Variants in RETREG3 observed in about 807,000 individuals in gnomAD.
RETREG3 encodes the protein reticulophagy regulator 3.
In RETREG3, 23 loss-of-function variants were observed where a neutral mutation model predicts 50.2. The observed-to-expected ratio is 0.46, with a 90% CI of 0.33 to 0.65. The LOEUF is 0.65. RETREG3 is among the 30% of genes least tolerant of loss of function. The probability of loss-of-function intolerance (pLI) is 0.02; values close to 1 mark genes in which losing one functional copy is unlikely to be tolerated. For missense variants in RETREG3, 546 were observed against 598.0 expected, an observed-to-expected ratio of 0.91 and a Z score of 0.91; for synonymous variants, 240 against 234.4, an observed-to-expected ratio of 1.02 and a Z score of -0.22.
chr17:42,597,580 T>C (rs2093148400), intron 1 of RETREG3, among the ~76,000 whole-genome samples: 1 of 4,938 alleles, frequency 2.0e-4, no homozygotes, highest in Non-Finnish European at 3.8e-4. Context: ...ATATTTTGTG[T>C]GTATATATAT....
rs146315106 is a variant in RETREG3, at chr17:42,582,213, G to A, written c.1001C>T (p.Pro334Leu). The A allele has an allele frequency of 3.7e-6, 6 of 1,612,918 alleles. No homozygotes were observed. In the African/African-American group the frequency reaches 5.3e-5, roughly 14 times the overall value. ...GCCAGCAGGATCCATATTAATGGAA[G>A]GGAAGTCTGGAAGGTCTCTGGCAAA... ...ESFARDLPDF[P>L]SINMDPAGLD... is the part of the protein sequence containing the mutation. Residue 334 changes from proline to leucine, a missense_variant, in exon 9 of 9, where the codon CCT becomes CTT. By Grantham distance (98) the Pro-to-Leu change is moderately conservative. Transcript: ENST00000309428.
intron 6 of RETREG3, 102 bp downstream of exon 6, chr17:42,585,023 C>A (rs889353842): frequency 4.6e-5 from 67 of 1,453,374 alleles, no homozygotes; most frequent in Middle Eastern, 1.8e-4. Context: ...CCAACTACCC[C>A]CGACTTCCAC....
At chr17:42,594,130 A>C (rs551965651) in intron 1 of RETREG3, among the ~76,000 whole-genome samples, 1 of 152,272 alleles carries the variant, frequency 6.6e-6, no homozygotes, top group Admixed American at 6.5e-5. Context: ...TAGAGGTTGC[A>C]GTGAGCGGAG....
intron 2 of RETREG3, among the ~76,000 whole-genome samples, chr17:42,589,729 T>C (rs1242082421): frequency 2.0e-5 from 3 of 152,004 alleles, no homozygotes; most frequent in Non-Finnish European, 4.4e-5. Flanking sequence ...CCACTGCACC[T>C]GGCCCCAACT....
At position 42,582,173 on chromosome 17, in the gene RETREG3, GTCC is replaced by G; in HGVS notation, c.1038_1040del (p.Glu346del). 6.2e-7 allele frequency: 1 copy of G among 1,614,000 alleles called. No homozygotes were observed. Among genetic ancestry groups the G allele is most frequent in the Non-Finnish European group, 8.5e-7 (1 of 1,180,016 alleles). On this transcript the variant is annotated inframe_deletion, in exon 9 of 9. Coordinates refer to ENST00000309428, the MANE Select transcript of RETREG3 (RefSeq NM_178126.4). ...AGCTGGGCATGCCAATGCTAGTGTC[GTCC>G]TCATCATCCAGGCCAGCAGGATCCA... is the stretch of plus-strand genomic sequence containing the variant.
At chr17:42,595,782 C>A (rs1036804762) in intron 1 of RETREG3, among the ~76,000 whole-genome samples, 5 of 149,396 alleles carry the variant, frequency 3.3e-5, no homozygotes, top group African/African-American at 1.2e-4. Context: ...GATTGATTCT[C>A]CCTGCCTCAG....
At chr17:42,606,347 C>T (rs560627677) in intron 1 of RETREG3, among the ~76,000 whole-genome samples, 4 of 152,218 alleles carry the variant, frequency 2.6e-5, no homozygotes, top group African/African-American at 7.2e-5. Context: ...CTCAGACAAG[C>T]GGCAGAAGAA....
chr17:42,580,589 TG>T lies in RETREG3; in HGVS notation c.*1223del, dbSNP rs1182182687. 8 of 152,694 alleles carry T rather than the reference TG, an allele frequency of 5.2e-5. No individual in the cohort carries two copies. Among genetic ancestry groups the T allele is most frequent in the Admixed American group, 3.3e-4 (5 of 15,256 alleles). The allele number at this position is 152,694 out of a possible 1,614,324, so 9.5% of individuals were successfully genotyped here. ...AGCTGATCCCCCTGGGCCAAGGTAA[TG>T]TAGAAGAGGCCCATCCCCACATCAT... is the stretch of plus-strand genomic sequence containing the variant. On this transcript the variant is annotated 3_prime_UTR_variant, in exon 9 of 9. Transcript: ENST00000309428.
At chr17:42,588,412 ATT>A (rs530998749) in intron 2 of RETREG3, among the ~76,000 whole-genome samples, 4 of 143,600 alleles carry the variant, frequency 2.8e-5, no homozygotes, top group Admixed American at 6.9e-5. Context: ...TGCCCGGCTA[ATT>A]TTTTTTTTTT....
chr17:42,583,419 G>T, intron 7 of RETREG3, 79 bp downstream of exon 7: 1 of 1,386,428 alleles, frequency 7.2e-7, no homozygotes, highest in Non-Finnish European at 1.0e-6. Context: ...CCTGGTTATG[G>T]CCTAAATGTG....
chr17:42,592,168 G>C lies in RETREG3; in HGVS notation c.240-6C>G. The C allele has an allele frequency of 6.2e-7, 1 of 1,611,054 alleles. No individual in the cohort carries two copies. The highest frequency in any genetic ancestry group is 8.5e-7 in the Non-Finnish European group (1 of 1,178,304). ...GAGATGTCAGGGCAAAAAACCTACAGAGGAAGAAAAACAGAAGAAAGATCA... is the reference window on the plus strand; with the variant it reads ...GAGATGTCAGGGCAAAAAACCTACACAGGAAGAAAAACAGAAGAAAGATCA... On this transcript the variant is annotated splice_region_variant and splice_polypyrimidine_tract_variant and intron_variant, in intron 1 of 8. Transcript: ENST00000309428.
At chr17:42,597,638 T>TGAGACAGAG (rs2093150032) in intron 1 of RETREG3, among the ~76,000 whole-genome samples, 4 of 65,392 alleles carry the variant, frequency 6.1e-5, no homozygotes, top group South Asian at 5.0e-4. Context: ...TTTTTTTTTT[T>TGAGACAGAG]TTTTTTTTTG....
At chr17:42,605,488 A>T (rs1454470148) in intron 1 of RETREG3, among the ~76,000 whole-genome samples, 2 of 152,104 alleles carry the variant, frequency 1.3e-5, no homozygotes, top group Non-Finnish European at 2.9e-5. Context: ...AAATGTCAAC[A>T]CTCATACTCA....
intron 1 of RETREG3, among the ~76,000 whole-genome samples, chr17:42,606,599 TC>T (rs1280633509): frequency 7.2e-6 from 1 of 139,750 alleles, no homozygotes; most frequent in African/African-American, 2.7e-5. Flanking sequence ...AGACTCCATC[TC>T]AAAAAACAAA....
chr17:42,589,983 T>A (rs2093129283), intron 2 of RETREG3, among the ~76,000 whole-genome samples: 1 of 152,060 alleles, frequency 6.6e-6, no homozygotes, highest in Non-Finnish European at 1.5e-5. Flanking sequence ...CGCGGATCAC[T>A]TGAGGTCAGG....
At chr17:42,590,443 G>A (rs1262624697) in intron 2 of RETREG3, among the ~76,000 whole-genome samples, 4 of 151,668 alleles carry the variant, frequency 2.6e-5, no homozygotes, top group Admixed American at 6.6e-5. Flanking sequence ...AGGCTGAGGC[G>A]GGCAGATCAT....
At chr17:42,595,785 TGCCTCAGCGCGCTGAGGCAGGAGGA>T (rs2093143088) in intron 1 of RETREG3, among the ~76,000 whole-genome samples, 1 of 150,232 alleles carries the variant, frequency 6.7e-6, no homozygotes, top group African/African-American at 2.4e-5. Flanking sequence ...TGATTCTCCC[TGCCTCAGCGCGCTGAGGCAGGAGGA>T]TTGGTTGGTT....
chr17:42,582,630 A>AGGGAT lies in RETREG3; in HGVS notation c.943+43_943+44insATCCC, dbSNP rs2093111927. ...CCTCTGTTCAGGGAAGCTAAGAGGC[A>AGGGAT]ACAGTCAGAGCCATTATCAACTGAG... is the stretch of plus-strand genomic sequence containing the variant. On this transcript the variant is annotated intron_variant, in intron 8 of 8. Transcript: ENST00000309428. 5.6e-6 allele frequency: 9 copies of AGGGAT among 1,611,230 alleles called. No individual in the cohort carries two copies. The South Asian group carries it at 9.9e-5, about 18-fold the overall frequency.
chr17:42,597,648 G>T (rs1381255128), intron 1 of RETREG3, among the ~76,000 whole-genome samples: 1 of 32,990 alleles, frequency 3.0e-5, no homozygotes, highest in African/African-American at 1.6e-4. Context: ...TTTTTTTTTT[G>T]AGACAGAGTC....
Sources: gnomAD v4.1 joint callset for allele counts (sites outside exome capture counted in the v4.1 genomes callset) on GRCh38, gnomAD v4.1.1 for gene constraint, MANE v1.5 for transcripts, NCBI Gene and HGNC (gene_info 2026-07-23, HGNC 2026-07-21) for gene names.